The following PCDHGA12 variants were observed in gnomAD, a reference collection of about 807,000 sequenced individuals.
The protein encoded by PCDHGA12 is protocadherin gamma-A12.
Under a neutral mutation model 61.1 loss-of-function variants are expected in PCDHGA12, and 43 were observed. That is an observed-to-expected ratio of 0.70 (90% CI 0.55 to 0.91). The LOEUF (loss-of-function observed/expected upper bound fraction) is 0.91, where lower values mean the gene tolerates loss of function less well. Among genes scored for constraint, PCDHGA12 ranks in the 40% least tolerant of loss-of-function variants. PCDHGA12 has a pLI of 0.00. For synonymous variants in PCDHGA12, 520 were observed against 542.9 expected (o/e 0.96, Z 0.59); for missense variants, 1,236 against 1,227.7 (o/e 1.01, Z -0.10).
chr5:141,494,434 T>A (rs976526647), intron 1 of PCDHGA12, among the ~76,000 whole-genome samples: 2 of 152,166 alleles, frequency 1.3e-5, no homozygotes, highest in Middle Eastern at 3.2e-3. Flanking sequence ...AAAAGCCTCC[T>A]TTGCCACTTT....
Position 141,432,812 on chromosome 5 carries a change from G to A in PCDHGA12, c.2053G>A (p.Glu685Lys), listed in dbSNP as rs753429933. ...LGSLESPANSETSDLTLYLVV... is the reference protein window; with the variant it reads ...LGSLESPANSKTSDLTLYLVV... ...CAGCCTCGAGTCTCCAGCTAACTCT[G>A]AAACCTCAGACCTCACTCTGTACCT... Residue 685 changes from glutamate to lysine, a missense_variant, in exon 1 of 4, where the codon GAA (glutamate) becomes AAA (lysine). Coordinates refer to ENST00000252085, the MANE Select transcript of PCDHGA12 (RefSeq NM_003735.3). This position sits in a 1 kb window ranked among gnomAD's most constrained non-coding sequence, Gnocchi z 6.0. 1.2e-6 allele frequency: 2 copies of A among 1,614,176 alleles called. No homozygotes were observed. Among genetic ancestry groups the A allele is most frequent in the Non-Finnish European group, 1.7e-6 (2 of 1,180,014 alleles).
At position 141,505,629 on chromosome 5, in the gene PCDHGA12, C is replaced by T. The variant is rs1475582931; in HGVS notation, c.2572+148C>T. 7.4e-6 allele frequency: 11 copies of T among 1,482,192 alleles called. No individual in the cohort carries two copies. The African/African-American group carries it at 9.8e-5, about 13-fold the overall frequency. The allele number at this position is 1,482,192 out of a possible 1,614,324, so 91.8% of individuals were successfully genotyped here. ...GTCTGAAAGGACCCACAATTCCAAACATAAAGCCTGGAATTGTGGCTAAGG... is the reference window on the plus strand; with the variant it reads ...GTCTGAAAGGACCCACAATTCCAAATATAAAGCCTGGAATTGTGGCTAAGG... On this transcript the variant is annotated intron_variant, in intron 3 of 3. Coordinates refer to ENST00000252085, the MANE Select transcript of PCDHGA12 (RefSeq NM_003735.3).
At position 141,493,482 on chromosome 5, in the gene PCDHGA12, G is replaced by A. The variant is rs184736387; in HGVS notation, c.2425-1325G>A. ...TTTTAGGACCTTACATGTGGGGAAA[G>A]TCTTCTGTGGCTCCTCATTTCTGAG... On this transcript the variant is annotated intron_variant, in intron 1 of 3. Coordinates refer to ENST00000252085, the MANE Select transcript of PCDHGA12 (RefSeq NM_003735.3). This position sits in a 1 kb window ranked among gnomAD's most constrained non-coding sequence, Gnocchi z 4.3. Among the ~76,000 whole-genome samples the A allele has an allele frequency of 1.5e-3, 229 of 152,324 alleles. No homozygotes were observed. Among genetic ancestry groups the A allele is most frequent in the Non-Finnish European group, 2.2e-3 (147 of 68,030 alleles).
intron 1 of PCDHGA12, chr5:141,468,632 C>G (rs1385644482): frequency 6.6e-6 from 1 of 151,628 alleles, no homozygotes; most frequent in Non-Finnish European, 1.5e-5. Context: ...TTTGGGAGGC[C>G]GAGGTGGGCG....
intron 1 of PCDHGA12, among the ~76,000 whole-genome samples, chr5:141,439,689 A>G (rs1193986599): frequency 6.6e-6 from 1 of 152,218 alleles, no homozygotes; most frequent in Non-Finnish European, 1.5e-5. Flanking sequence ...CAGACCCACA[A>G]CATTCCTATT....
At chr5:141,434,453 T>C (rs1172243323) in intron 1 of PCDHGA12, among the ~76,000 whole-genome samples, 1 of 152,226 alleles carries the variant, frequency 6.6e-6, no homozygotes, top group Non-Finnish European at 1.5e-5. Context: ...TGGAAGGTAG[T>C]GGGTTTACCG....
In PCDHGA12 at chr5:141,431,779, G is replaced by A; in HGVS notation, c.1020G>A (p.Val340=). 2 of 1,614,232 alleles carry A rather than the reference G, an allele frequency of 1.2e-6. No individual in the cohort carries two copies. Among genetic ancestry groups the A allele is most frequent in the Non-Finnish European group, 1.7e-6 (2 of 1,180,030 alleles). ...AAGTCCTGATCACTGTTCTGGACGT[G>A]AACGACAATGCCCCAGAAGTGGTCC... The part of the protein sequence containing the change: ...RAKVLITVLD[V]NDNAPEVVLT... The change falls in exon 1 of 4, where the codon GTG becomes GTA. Residue 340 remains valine (V), a synonymous_variant. Transcript: ENST00000252085. This position sits in a 1 kb window ranked among gnomAD's most constrained non-coding sequence, Gnocchi z 4.8.
intron 2 of PCDHGA12, among the ~76,000 whole-genome samples, chr5:141,503,638 T>C (rs1467962880): frequency 1.3e-5 from 2 of 151,908 alleles, no homozygotes; most frequent in Non-Finnish European, 2.9e-5. Flanking sequence ...AAATAATTAT[T>C]GAATCAATGG....
intron 1 of PCDHGA12, among the ~76,000 whole-genome samples, chr5:141,462,027 TG>T (rs1239347302): frequency 6.6e-6 from 1 of 152,220 alleles, no homozygotes; most frequent in African/African-American, 2.4e-5. Flanking sequence ...TTCTTCATGT[TG>T]GTCAGGCGGG....
Position 141,486,589 on chromosome 5 carries a change from C to T in PCDHGA12, c.2425-8218C>T. On this transcript the variant is annotated intron_variant, in intron 1 of 3. Transcript: ENST00000252085. The surrounding 1 kb of genome is among the most constrained non-coding windows in gnomAD (Gnocchi z 5.0). ...TTCCTGAGAACAATCGCCCAGGGGA[C>T]CTGCTTTGCTCCCTTGCAGCCTCTG... 1 of 1,613,676 alleles carries T rather than the reference C, an allele frequency of 6.2e-7. No individual in the cohort carries two copies. Among genetic ancestry groups the T allele is most frequent in the African/African-American group, 1.3e-5 (1 of 75,064 alleles).
chr5:141,459,404 G>C (rs2098967432), intron 1 of PCDHGA12, among the ~76,000 whole-genome samples: 1 of 152,182 alleles, frequency 6.6e-6, no homozygotes, highest in Non-Finnish European at 1.5e-5. Flanking sequence ...GAGCAGTATT[G>C]CATTGTGTGG....
intron 1 of PCDHGA12, chr5:141,475,820 C>G (rs890721743): frequency 1.1e-5 from 4 of 351,810 alleles, no homozygotes; most frequent in Non-Finnish European, 1.5e-5. Context: ...AAGTTCCTGG[C>G]GCTAGCGCGT....
intron 1 of PCDHGA12, among the ~76,000 whole-genome samples, chr5:141,467,372 T>C (rs1006663543): frequency 2.0e-5 from 3 of 152,072 alleles, no homozygotes; most frequent in African/African-American, 7.2e-5. Flanking sequence ...TTTTCTTATA[T>C]TGCATTTAGG....
chr5:141,450,903 C>T (rs1468232105), intron 1 of PCDHGA12, among the ~76,000 whole-genome samples: 3 of 151,086 alleles, frequency 2.0e-5, no homozygotes, highest in African/African-American at 7.3e-5. Context: ...CGGCTCACTG[C>T]AACCGCTGCC....
intron 1 of PCDHGA12, among the ~76,000 whole-genome samples, chr5:141,460,628 G>C (rs2098993821): frequency 6.6e-6 from 1 of 151,958 alleles, no homozygotes; most frequent in African/African-American, 2.4e-5. Flanking sequence ...GACAGATACA[G>C]ATATATAACT....
At position 141,511,397 on chromosome 5, in the gene PCDHGA12, C is replaced by A; in HGVS notation, c.*224C>A. ...AGCAGTTCCGCTGGGAACCCCCATC[C>A]AATCAACTGCTGTACCCATGGGGGT... On this transcript the variant is annotated 3_prime_UTR_variant, in exon 4 of 4. Coordinates refer to ENST00000252085, the MANE Select transcript of PCDHGA12 (RefSeq NM_003735.3). 1.0e-6 allele frequency: 1 copy of A among 1,002,376 alleles called. No individual in the cohort carries two copies. The highest frequency in any genetic ancestry group is 1.4e-6 in the Non-Finnish European group (1 of 705,546). 62.1% of individuals were successfully genotyped at this position (1,002,376 alleles called of 1,614,324 possible). A position where few individuals can be genotyped will look rare whatever the true frequency, so the allele number is the denominator to read the frequency against.
chr5:141,441,442 C>G (rs938839707), intron 1 of PCDHGA12: 1 of 160,500 alleles, frequency 6.2e-6, no homozygotes, highest in African/African-American at 2.4e-5. Context: ...CTCGTCCAGC[C>G]CAAGCATCAC....
At chr5:141,446,508 G>A (rs932199756) in intron 1 of PCDHGA12, among the ~76,000 whole-genome samples, 4 of 151,356 alleles carry the variant, frequency 2.6e-5, no homozygotes, top group Non-Finnish European at 5.9e-5. Flanking sequence ...ATGGAGTCTC[G>A]CTCTGTCACC....
At position 141,489,300 on chromosome 5, in the gene PCDHGA12, C is replaced by T; in HGVS notation, c.2425-5507C>T. 1 of 1,585,700 alleles carries T rather than the reference C, an allele frequency of 6.3e-7. No individual in the cohort carries two copies. The highest frequency in any genetic ancestry group is 1.3e-5 in the African/African-American group (1 of 74,388). On this transcript the variant is annotated intron_variant, in intron 1 of 3. Coordinates refer to ENST00000252085, the MANE Select transcript of PCDHGA12 (RefSeq NM_003735.3). This position sits in a 1 kb window ranked among gnomAD's most constrained non-coding sequence, Gnocchi z 4.5. The stretch of plus-strand genomic sequence containing the variant: ...AATGGCAAGTGCTGTGCATGTTGTC[C>T]TTGTGCTGCTGGGGCTGGGTGTCTG...
Sources: gnomAD v4.1 joint callset for allele counts (sites outside exome capture counted in the v4.1 genomes callset) on GRCh38, gnomAD v4.1.1 for gene constraint, Gnocchi (gnomAD v3.1) non-coding constraint, MANE v1.5 for transcripts, NCBI Gene and HGNC (gene_info 2026-07-23, HGNC 2026-07-21) for gene names.